Variants in AGAP1 observed in about 807,000 individuals in gnomAD.
AGAP1 encodes the protein ArfGAP with GTPase domain, ankyrin repeat and PH domain 1.
Under a neutral mutation model 105.3 loss-of-function variants are expected in AGAP1, and 29 were observed. The observed-to-expected ratio is 0.28, with a 90% CI of 0.21 to 0.38. AGAP1 has a LOEUF of 0.38. Among genes scored for constraint, AGAP1 ranks in the 10% least tolerant of loss-of-function variants. The probability of loss-of-function intolerance (pLI) is 1.00; values close to 1 mark genes in which losing one functional copy is unlikely to be tolerated. For missense variants in AGAP1, 998 were observed against 1,165.1 expected (o/e 0.86, Z 2.09); for synonymous variants, 509 against 485.9 (o/e 1.05, Z -0.63).
At position 235,958,677 on chromosome 2, in the gene AGAP1, A is replaced by G. The variant is rs1004578235; in HGVS notation, c.1484-9785A>G. Among the ~76,000 whole-genome samples, 2 of 152,152 alleles carry G rather than the reference A, an allele frequency of 1.3e-5. No individual in the cohort carries two copies. The highest frequency in any genetic ancestry group is 4.8e-5 in the African/African-American group (2 of 41,442). On this transcript the variant is annotated intron_variant, in intron 12 of 17. Coordinates refer to ENST00000304032, the MANE Select transcript of AGAP1 (RefSeq NM_001037131.3). This position sits in a 1 kb window ranked among gnomAD's most constrained non-coding sequence, Gnocchi z 4.1. ...GCAGAGATAAGTTGTCACGTTTTCC[A>G]CTTGAGCTGAAACTAAATGATTGTA... is the stretch of plus-strand genomic sequence containing the variant.
At position 236,044,906 on chromosome 2, in the gene AGAP1, C is replaced by A. The variant is rs556266578; in HGVS notation, c.1891+4065C>A. On this transcript the variant is annotated intron_variant, in intron 15 of 17. Coordinates refer to ENST00000304032, the MANE Select transcript of AGAP1 (RefSeq NM_001037131.3). The surrounding 1 kb of genome is among the most constrained non-coding windows in gnomAD (Gnocchi z 5.7). ...GGGCGGGTTGAGATGGGGTCTCGCC[C>A]TATAGCCCAGGATGGAGTGCAGCAG... Among the ~76,000 whole-genome samples, 1 of 152,190 alleles carries A rather than the reference C, an allele frequency of 6.6e-6. No homozygotes were observed. The highest frequency in any genetic ancestry group is 2.1e-4 in the South Asian group (1 of 4,818).
At position 235,559,827 on chromosome 2, in the gene AGAP1, T is replaced by C. The variant is rs1439753638; in HGVS notation, c.163+64978T>C. ...AATACCTATTCAAATCTTTTGACTGTTTTTAAATTGAGTCTTTTTATTGTT... is the reference window on the plus strand; with the variant it reads ...AATACCTATTCAAATCTTTTGACTGCTTTTAAATTGAGTCTTTTTATTGTT... On this transcript the variant is annotated intron_variant, in intron 1 of 17. Coordinates refer to ENST00000304032, the MANE Select transcript of AGAP1 (RefSeq NM_001037131.3). This position sits in a 1 kb window ranked among gnomAD's most constrained non-coding sequence, Gnocchi z 5.7. Among the ~76,000 whole-genome samples, 1 of 152,146 alleles carries C rather than the reference T, an allele frequency of 6.6e-6. No individual in the cohort carries two copies.
At chr2:235,607,380 T>G (rs144165281) in intron 1 of AGAP1, among the ~76,000 whole-genome samples, 1 of 152,236 alleles carries the variant, frequency 6.6e-6, no homozygotes, top group Admixed American at 6.5e-5. Flanking sequence ...CTCACAGTTA[T>G]GTGGAAATCT....
chr2:235,671,552 C>T (rs1254612830), intron 1 of AGAP1, among the ~76,000 whole-genome samples: 2 of 152,216 alleles, frequency 1.3e-5, no homozygotes, highest in Middle Eastern at 3.2e-3. Flanking sequence ...GTGATGTGGA[C>T]TCAGCTGACT....
At chr2:235,825,314 G>A (rs949410127) in intron 9 of AGAP1, among the ~76,000 whole-genome samples, 1 of 152,228 alleles carries the variant, frequency 6.6e-6, no homozygotes, top group African/African-American at 2.4e-5. Flanking sequence ...AAGATCCAAC[G>A]ACCCTTTGAA....
chr2:235,504,966 G>T (rs1241312786), intron 1 of AGAP1, among the ~76,000 whole-genome samples: 1 of 152,208 alleles, frequency 6.6e-6, no homozygotes, highest in Non-Finnish European at 1.5e-5. Flanking sequence ...AGAGGGCGCA[G>T]TTCCTCTGGG....
chr2:235,636,775 G>A (rs1450599818), intron 1 of AGAP1, among the ~76,000 whole-genome samples: 1 of 152,144 alleles, frequency 6.6e-6, no homozygotes, highest in Non-Finnish European at 1.5e-5. Context: ...GGTCGTCGCA[G>A]ATGTAATTAT....
At position 235,723,388 on chromosome 2, in the gene AGAP1, A is replaced by G. The variant is rs543008289; in HGVS notation, c.310+5744A>G. 5.0e-4 allele frequency among the ~76,000 whole-genome samples: 76 copies of G among 152,324 alleles called. No individual in the cohort carries two copies. Among genetic ancestry groups the G allele is most frequent in the African/African-American group, 1.8e-3 (74 of 41,560 alleles). On this transcript the variant is annotated intron_variant, in intron 3 of 17. Transcript: ENST00000304032. This position sits in a 1 kb window ranked among gnomAD's most constrained non-coding sequence, Gnocchi z 6.2. ...TTCAAAAGAGAAAAAGTCAAAGGAA[A>G]CAAAGCTAGGATGTCCAGTATTATG...
intron 6 of AGAP1, among the ~76,000 whole-genome samples, chr2:235,781,867 G>A (rs72981189): frequency 0.27 from 40,338 of 151,924 alleles, 5,672 homozygotes; most frequent in Admixed American, 0.4. Context: ...AATGGATGCC[G>A]CTAGTGTATA....
At chr2:235,798,266 G>A (rs1217745630) in intron 7 of AGAP1, among the ~76,000 whole-genome samples, 3 of 152,074 alleles carry the variant, frequency 2.0e-5, no homozygotes, top group African/African-American at 4.8e-5. Flanking sequence ...TTTGGTAGTG[G>A]CATTCAATTA....
At chr2:235,943,672 G>A (rs2053366951) in intron 12 of AGAP1, among the ~76,000 whole-genome samples, 1 of 152,144 alleles carries the variant, frequency 6.6e-6, no homozygotes, top group South Asian at 2.1e-4. Context: ...GGGGGGTATC[G>A]AGAAGAAAGA....
intron 1 of AGAP1, among the ~76,000 whole-genome samples, chr2:235,527,617 T>C (rs1942890124): frequency 6.6e-6 from 1 of 152,194 alleles, no homozygotes; most frequent in East Asian, 1.9e-4. Flanking sequence ...TGAACTCTTT[T>C]GCCCAAACCA....
In AGAP1 at chr2:236,131,135, G is replaced by T. The variant is rs1275394676; in HGVS notation, c.*7013G>T. The T allele has an allele frequency of 6.6e-6, 1 of 152,276 alleles. No individual in the cohort carries two copies. Among genetic ancestry groups the T allele is most frequent in the Non-Finnish European group, 1.5e-5 (1 of 68,106 alleles). 9.4% of individuals were successfully genotyped at this position (152,276 alleles called of 1,614,324 possible). ...GTTTCCCTCCCACGGCTGGGTTTTT[G>T]TGTCTGAAATACATCTAATTCTCCA... On this transcript the variant is annotated 3_prime_UTR_variant, in exon 18 of 18. Transcript: ENST00000304032. This position sits in a 1 kb window ranked among gnomAD's most constrained non-coding sequence, Gnocchi z 5.9.
At chr2:236,010,083 G>A (rs2056457657) in intron 13 of AGAP1, among the ~76,000 whole-genome samples, 1 of 150,666 alleles carries the variant, frequency 6.6e-6, no homozygotes, top group African/African-American at 2.5e-5. Flanking sequence ...TTAAGTCTCA[G>A]TGATAAGTTT....
intron 1 of AGAP1, among the ~76,000 whole-genome samples, chr2:235,518,176 T>C (rs1942474132): frequency 6.6e-6 from 1 of 152,166 alleles, no homozygotes; most frequent in Non-Finnish European, 1.5e-5. Flanking sequence ...TTCTGCTGCA[T>C]TGGTTTCACT....
At chr2:235,991,558 A>C (rs1378697286) in intron 13 of AGAP1, among the ~76,000 whole-genome samples, 1 of 152,232 alleles carries the variant, frequency 6.6e-6, no homozygotes, top group Non-Finnish European at 1.5e-5. Flanking sequence ...AAAAGGAAAG[A>C]AAATGGTTTT....
intron 9 of AGAP1, among the ~76,000 whole-genome samples, chr2:235,813,725 A>G (rs1281703114): frequency 1.3e-5 from 2 of 152,362 alleles, no homozygotes; most frequent in East Asian, 1.9e-4. Flanking sequence ...CCATCAGCTC[A>G]GTTAGTCCCT....
intron 16 of AGAP1, among the ~76,000 whole-genome samples, chr2:236,093,926 C>A (rs1345856834): frequency 6.6e-6 from 1 of 152,112 alleles, no homozygotes; most frequent in Non-Finnish European, 1.5e-5. Flanking sequence ...AAAAACACAA[C>A]AGAACACTTT....
chr2:235,960,744 C>T lies in AGAP1; in HGVS notation c.1484-7718C>T, dbSNP rs937886154. 4.6e-5 allele frequency among the ~76,000 whole-genome samples: 7 copies of T among 152,188 alleles called. No homozygotes were observed. Among genetic ancestry groups the T allele is most frequent in the African/African-American group, 1.2e-4 (5 of 41,450 alleles). The stretch of plus-strand genomic sequence containing the variant: ...GGTCTTGCCCTTTATTCTCTGACAG[C>T]GGCCAGCTCCTAGGGCACGCTTGGT... On this transcript the variant is annotated intron_variant, in intron 12 of 17. Transcript: ENST00000304032. This position sits in a 1 kb window ranked among gnomAD's most constrained non-coding sequence, Gnocchi z 4.9.
Sources: gnomAD v4.1 joint callset for allele counts (sites outside exome capture counted in the v4.1 genomes callset) on GRCh38, gnomAD v4.1.1 for gene constraint, Gnocchi (gnomAD v3.1) non-coding constraint, MANE v1.5 for transcripts, NCBI Gene and HGNC (gene_info 2026-07-23, HGNC 2026-07-21) for gene names.